The following CLINT1 variants were observed in gnomAD, a reference collection of about 807,000 sequenced individuals.
The protein encoded by CLINT1 is clathrin interacting protein localized in the trans-Golgi region.
A neutral mutation model predicts 70.4 loss-of-function variants in CLINT1; 15 were observed. That is an observed-to-expected ratio of 0.21 (90% CI 0.14 to 0.33). The LOEUF (loss-of-function observed/expected upper bound fraction) is 0.33. Ranked by LOEUF, CLINT1 falls within the 10% of genes least tolerant of loss-of-function variation. CLINT1 has a pLI of 1.00. For synonymous variants in CLINT1, 227 were observed against 254.7 expected (o/e 0.89, Z 1.04); for missense variants, 615 against 778.1 (o/e 0.79, Z 2.49).
At chr5:157,836,012 C>A (rs116386915) in intron 1 of CLINT1, among the ~76,000 whole-genome samples, 1,547 of 152,274 alleles carry the variant, frequency 0.01, 24 homozygotes, top group African/African-American at 0.035. Flanking sequence ...TTTATATAGA[C>A]AATTTTCACT....
At chr5:157,816,611 T>C (rs986409023) in intron 3 of CLINT1, 123 bp downstream of exon 3, 1 of 608,646 alleles carries the variant, frequency 1.6e-6, no homozygotes, top group East Asian at 3.3e-5. Context: ...ACTTCTTTCA[T>C]GTGCTTTCGA....
At chr5:157,791,276 T>C (rs1403212369) in intron 10 of CLINT1, among the ~76,000 whole-genome samples, 1 of 152,198 alleles carries the variant, frequency 6.6e-6, no homozygotes, top group East Asian at 1.9e-4. Flanking sequence ...GCCAGGATGG[T>C]CTTGATCTCC....
At chr5:157,809,893 A>G in intron 5 of CLINT1, 88 bp from the exon 6 acceptor site, 1 of 1,286,358 alleles carries the variant, frequency 7.8e-7, no homozygotes, top group Non-Finnish European at 1.1e-6. Context: ...GCTTTTCCTC[A>G]TAATAAAATC....
At chr5:157,788,643 A>C (rs894528651) in intron 11 of CLINT1, among the ~76,000 whole-genome samples, 1 of 152,186 alleles carries the variant, frequency 6.6e-6, no homozygotes, top group Non-Finnish European at 1.5e-5. Flanking sequence ...TATAGAGAGA[A>C]TGATCCCAAG....
chr5:157,790,741 C>A, intron 10 of CLINT1: 1 of 408,890 alleles, frequency 2.4e-6, no homozygotes, highest in Non-Finnish European at 4.8e-6. Flanking sequence ...CATTCAGACA[C>A]ATATTTTCCA....
intron 11 of CLINT1, 133 bp from the exon 12 acceptor site, chr5:157,788,125 T>C: frequency 2.6e-6 from 2 of 760,816 alleles, no homozygotes; most frequent in South Asian, 3.0e-5. Context: ...AGTGATTTTA[T>C]TAGAAATCAA....
intron 1 of CLINT1, among the ~76,000 whole-genome samples, chr5:157,838,114 G>GT (rs1490058552): frequency 2.5e-4 from 34 of 135,436 alleles, no homozygotes; most frequent in East Asian, 6.2e-4. Context: ...TTAAGTCAAG[G>GT]TTTTTTTGTT....
At chr5:157,804,300 A>G (rs1206283754) in intron 7 of CLINT1, among the ~76,000 whole-genome samples, 2 of 152,152 alleles carry the variant, frequency 1.3e-5, no homozygotes, top group Non-Finnish European at 2.9e-5. Context: ...TGATATATTG[A>G]TATGTTTCAT....
chr5:157,791,929 G>C lies in CLINT1; in HGVS notation c.1154C>G (p.Pro385Arg). 6.2e-7 allele frequency: 1 copy of C among 1,614,004 alleles called. No homozygotes were observed. The highest frequency in any genetic ancestry group is 8.5e-7 in the Non-Finnish European group (1 of 1,179,876). ...AAAGAACTCGCCACTGGAAGCAACA[G>C]GGCCTGATGGGGCTTGGTTGAAGGC... Reference protein sequence around the residue: ...WSAFNQAPSGPVASSGEFFGS... With the variant: ...WSAFNQAPSGRVASSGEFFGS... Residue 385 changes from proline (P) to arginine (R), a missense_variant, in exon 10 of 12, where the codon CCT becomes CGT. Pro to Arg is a moderately radical substitution (Grantham distance 103). Coordinates refer to ENST00000411809, the MANE Select transcript of CLINT1 (RefSeq NM_014666.4).
At chr5:157,836,155 C>T (rs1271638736) in intron 1 of CLINT1, among the ~76,000 whole-genome samples, 2 of 152,216 alleles carry the variant, frequency 1.3e-5, no homozygotes, top group South Asian at 2.1e-4. Flanking sequence ...TTCCACAATA[C>T]AGCCATATTT....
intron 5 of CLINT1, among the ~76,000 whole-genome samples, chr5:157,812,841 A>G (rs1039369430): frequency 1.3e-5 from 2 of 152,250 alleles, no homozygotes; most frequent in African/African-American, 4.8e-5. Context: ...CAGTCATTTA[A>G]TTAGCCATTA....
chr5:157,845,704 A>C (rs924346537), intron 1 of CLINT1, among the ~76,000 whole-genome samples: 1 of 151,862 alleles, frequency 6.6e-6, no homozygotes, highest in Admixed American at 6.6e-5. Context: ...GGTGCCTGCC[A>C]CCACGCCCGG....
At position 157,835,540 on chromosome 5, in the gene CLINT1, C is replaced by T. The variant is rs374517264; in HGVS notation, c.42-17993G>A. On this transcript the variant is annotated intron_variant, in intron 1 of 11. Coordinates refer to ENST00000411809, the MANE Select transcript of CLINT1 (RefSeq NM_014666.4). ...ACTACACTATATCTTATGCAGTTTT[C>T]TTTCCCTCTCGGTGCCTAACAACGA... Among the ~76,000 whole-genome samples, 9 of 152,192 alleles carry T rather than the reference C, an allele frequency of 5.9e-5. No homozygotes were observed. In the East Asian group the frequency reaches 9.7e-4, roughly 16 times the overall value.
In CLINT1 at chr5:157,825,564, T is replaced by C. The variant is rs989727435; in HGVS notation, c.42-8017A>G. Among the ~76,000 whole-genome samples, 7 of 152,258 alleles carry C rather than the reference T, an allele frequency of 4.6e-5. No homozygotes were observed. In the East Asian group the frequency reaches 5.8e-4, roughly 13 times the overall value. On this transcript the variant is annotated intron_variant, in intron 1 of 11. Transcript: ENST00000411809. ...CTATAACTGAGAACCTAAAATACCTTTAAAACATGGCAAACTGCCTAAGTC... is the reference window on the plus strand; with the variant it reads ...CTATAACTGAGAACCTAAAATACCTCTAAAACATGGCAAACTGCCTAAGTC...
intron 1 of CLINT1, among the ~76,000 whole-genome samples, chr5:157,855,257 T>C (rs891346263): frequency 1.3e-5 from 2 of 151,444 alleles, no homozygotes; most frequent in African/African-American, 4.9e-5. Context: ...TAAGTAGCAG[T>C]TTTGATCTAC....
At chr5:157,812,832 A>G (rs1762604146) in intron 5 of CLINT1, among the ~76,000 whole-genome samples, 1 of 152,354 alleles carries the variant, frequency 6.6e-6, no homozygotes, top group South Asian at 2.1e-4. Flanking sequence ...CAAAATATGC[A>G]GTCATTTAAT....
intron 3 of CLINT1, among the ~76,000 whole-genome samples, chr5:157,814,799 G>A (rs1218940155): frequency 2.0e-5 from 3 of 152,066 alleles, no homozygotes; most frequent in East Asian, 1.9e-4. Context: ...CTGGGAGGCC[G>A]AGGTGGGCGG....
intron 1 of CLINT1, among the ~76,000 whole-genome samples, chr5:157,836,705 A>G (rs1254865305): frequency 6.6e-6 from 1 of 152,060 alleles, no homozygotes; most frequent in African/African-American, 2.4e-5. Flanking sequence ...TTTATCCAGG[A>G]CCTTGCTTAT....
At chr5:157,788,680 G>C (rs1285689952) in intron 11 of CLINT1, among the ~76,000 whole-genome samples, 1 of 152,050 alleles carries the variant, frequency 6.6e-6, no homozygotes, top group Non-Finnish European at 1.5e-5. Context: ...AGAAAAGATG[G>C]AAAGTGGCCA....
Sources: allele counts gnomAD v4.1 joint callset (sites outside exome capture counted in the v4.1 genomes callset), GRCh38; gene constraint gnomAD v4.1.1; transcripts MANE v1.5; gene names NCBI Gene and HGNC (gene_info 2026-07-23, HGNC 2026-07-21).